ADAMTS3: variants seen among roughly 807,000 people sequenced by gnomAD.
ADAMTS3 encodes A disintegrin and metalloproteinase with thrombospondin motifs 3.
Under a neutral mutation model 129.0 loss-of-function variants are expected in ADAMTS3, and 73 were observed. That is an observed-to-expected ratio of 0.57 (90% CI 0.47 to 0.69). The LOEUF is 0.69. ADAMTS3 is among the 30% of genes least tolerant of loss of function. The pLI is 0.00. For synonymous variants in ADAMTS3, 477 were observed against 510.8 expected (o/e 0.93, Z 0.89); for missense variants, 1,457 against 1,514.5 (o/e 0.96, Z 0.63).
rs375507207 is a variant in ADAMTS3, at chr4:72,393,132, G to A, written c.661+21683C>T. Reference sequence around the variant, plus strand: ...GTAGAGGTGGGGTTTCACCATGTTGGTCAGGCTGGTCTCGAACTCCTGACC... The same window carrying A: ...GTAGAGGTGGGGTTTCACCATGTTGATCAGGCTGGTCTCGAACTCCTGACC... On this transcript the variant is annotated intron_variant, in intron 4 of 21. Coordinates refer to ENST00000286657, the MANE Select transcript of ADAMTS3 (RefSeq NM_014243.3). 2.9e-4 allele frequency among the ~76,000 whole-genome samples: 44 copies of A among 152,100 alleles called. 1 individual carries two copies. In the South Asian group the frequency reaches 8.9e-3, roughly 31 times the overall value.
chr4:72,373,420 GTACAC>G (rs1043044184), intron 4 of ADAMTS3, among the ~76,000 whole-genome samples: 4 of 152,038 alleles, frequency 2.6e-5, no homozygotes, highest in Non-Finnish European at 5.9e-5. Context: ...AAAAATTGTG[GTACAC>G]TTATACAATG....
At chr4:72,341,256 G>C (rs1352212529) in intron 4 of ADAMTS3, among the ~76,000 whole-genome samples, 4 of 152,108 alleles carry the variant, frequency 2.6e-5, no homozygotes, top group African/African-American at 9.7e-5. Flanking sequence ...GGGGGACATG[G>C]TCTGAATGTG....
Position 72,311,167 on chromosome 4 carries a change from G to A in ADAMTS3, c.1936C>T (p.His646Tyr). Reference sequence around the variant, plus strand: ...GTCTCCTTGGACTGACAGTAAAGGTGGCATCTTTTCTTGGCTGCATAAGAT... The same window carrying A: ...GTCTCCTTGGACTGACAGTAAAGGTAGCATCTTTTCTTGGCTGCATAAGAT... ...YEHPDPKKRC[H>Y]LYCQSKETGD... The change falls in exon 14 of 22, where the codon CAC (histidine) becomes TAC (tyrosine). Residue 646 changes from histidine to tyrosine, a missense_variant. Physicochemically the swap from His to Tyr is moderately conservative, Grantham distance 83. Transcript: ENST00000286657. 1 of 1,610,128 alleles carries A rather than the reference G, an allele frequency of 6.2e-7. No homozygotes were observed.
chr4:72,522,794 T>G (rs1159324207), intron 3 of ADAMTS3, among the ~76,000 whole-genome samples: 1 of 152,128 alleles, frequency 6.6e-6, no homozygotes, highest in African/African-American at 2.4e-5. Flanking sequence ...TTAAAACATT[T>G]TTCAAAGGTT....
chr4:72,305,921 G>T, intron 16 of ADAMTS3, 66 bp downstream of exon 16: 3 of 1,302,174 alleles, frequency 2.3e-6, no homozygotes, highest in Non-Finnish European at 3.3e-6. Context: ...TCTATATTTA[G>T]GATTTCTTTG....
intron 3 of ADAMTS3, among the ~76,000 whole-genome samples, chr4:72,418,602 C>A (rs528582261): frequency 6.6e-6 from 1 of 152,316 alleles, no homozygotes; most frequent in South Asian, 2.1e-4. Context: ...TAGCCCTACT[C>A]ATGGTATTCA....
intron 3 of ADAMTS3, among the ~76,000 whole-genome samples, chr4:72,490,688 T>C (rs1386083745): frequency 1.3e-5 from 2 of 151,878 alleles, no homozygotes; most frequent in African/African-American, 4.8e-5. Context: ...TGCTCTTTTT[T>C]CTGTTCCATT....
intron 3 of ADAMTS3, among the ~76,000 whole-genome samples, chr4:72,470,501 C>T (rs985516280): frequency 1.7e-4 from 25 of 150,918 alleles, no homozygotes; most frequent in African/African-American, 6.1e-4. Context: ...ATATAATACA[C>T]ACACATTCTT....
At chr4:72,547,385 T>A (rs1187997518) in intron 3 of ADAMTS3, among the ~76,000 whole-genome samples, 1 of 152,202 alleles carries the variant, frequency 6.6e-6, no homozygotes, top group African/African-American at 2.4e-5. Flanking sequence ...ACCCTGTTGA[T>A]TTCAGAAACT....
chr4:72,308,361 T>G (rs1047360279), intron 15 of ADAMTS3, among the ~76,000 whole-genome samples: 1 of 151,908 alleles, frequency 6.6e-6, no homozygotes, highest in Admixed American at 6.6e-5. Flanking sequence ...AGGGGTATAA[T>G]GGGAATAAAA....
At chr4:72,322,211 A>G (rs1336994164) in intron 6 of ADAMTS3, among the ~76,000 whole-genome samples, 2 of 152,220 alleles carry the variant, frequency 1.3e-5, no homozygotes, top group African/African-American at 4.8e-5. Flanking sequence ...ATGACACTCT[A>G]TCATTATAAA....
chr4:72,328,900 T>C (rs958201202), intron 5 of ADAMTS3, among the ~76,000 whole-genome samples: 1 of 152,190 alleles, frequency 6.6e-6, no homozygotes, highest in African/African-American at 2.4e-5. Flanking sequence ...ATCTCTTACG[T>C]AGGTAAAAGT....
intron 15 of ADAMTS3, 124 bp downstream of exon 15, chr4:72,309,273 C>A: frequency 1.1e-5 from 10 of 906,492 alleles, no homozygotes; most frequent in African/African-American, 1.7e-5. Context: ...ATCTGAATAA[C>A]AATAAATCAG....
At chr4:72,429,897 T>C (rs915891909) in intron 3 of ADAMTS3, among the ~76,000 whole-genome samples, 7 of 151,968 alleles carry the variant, frequency 4.6e-5, no homozygotes, top group Non-Finnish European at 1.0e-4. Context: ...AACTTTAAAG[T>C]GTAAATAAAT....
chr4:72,374,369 T>C (rs888305690), intron 4 of ADAMTS3, among the ~76,000 whole-genome samples: 1 of 152,148 alleles, frequency 6.6e-6, no homozygotes, highest in Non-Finnish European at 1.5e-5. Context: ...AAGACTTATT[T>C]TTAGCATTAA....
At chr4:72,310,821 G>A (rs1719212829) in intron 14 of ADAMTS3, among the ~76,000 whole-genome samples, 1 of 152,050 alleles carries the variant, frequency 6.6e-6, no homozygotes, top group African/African-American at 2.4e-5. Context: ...AAAGGCATTT[G>A]GCTGGAAATT....
Position 72,568,862 on chromosome 4 carries a change from A to G in ADAMTS3, c.-100T>C. ...AAGTTTCTTTAAGAAAAAAAGGAAA[A>G]GGGAAAAAATGCGAAATAGAAAAAA... On this transcript the variant is annotated 5_prime_UTR_variant, in exon 1 of 22. Transcript: ENST00000286657. 1.1e-6 allele frequency: 1 copy of G among 911,952 alleles called. No homozygotes were observed. The highest frequency in any genetic ancestry group is 1.7e-6 in the Non-Finnish European group (1 of 590,872). The allele number at this position is 911,952 out of a possible 1,614,324, so 56.5% of individuals were successfully genotyped here.
In ADAMTS3 at chr4:72,463,092, T is replaced by A. The variant is rs953880471; in HGVS notation, c.505-48121A>T. Reference sequence around the variant, plus strand: ...TCTTTGATACAGTATTTTTATGCTATCTTTTCTATGTTTAGATACACAAAA... The same window carrying A: ...TCTTTGATACAGTATTTTTATGCTAACTTTTCTATGTTTAGATACACAAAA... On this transcript the variant is annotated intron_variant, in intron 3 of 21. Transcript: ENST00000286657. 5.3e-5 allele frequency among the ~76,000 whole-genome samples: 8 copies of A among 151,998 alleles called. No individual in the cohort carries two copies. The East Asian group carries it at 1.6e-3, about 30-fold the overall frequency.
At chr4:72,421,685 A>T (rs1253482867) in intron 3 of ADAMTS3, among the ~76,000 whole-genome samples, 1 of 152,216 alleles carries the variant, frequency 6.6e-6, no homozygotes, top group Non-Finnish European at 1.5e-5. Context: ...AAGAGATATT[A>T]CAAGGAGTTA....
Sources: gnomAD v4.1 joint callset for allele counts (sites outside exome capture counted in the v4.1 genomes callset) on GRCh38, gnomAD v4.1.1 for gene constraint, MANE v1.5 for transcripts, NCBI Gene and HGNC (gene_info 2026-07-23, HGNC 2026-07-21) for gene names.